Variants in GULP1 observed in about 807,000 individuals in gnomAD.
The protein encoded by GULP1 is PTB domain-containing engulfment adapter protein 1.
A neutral mutation model predicts 40.9 loss-of-function variants in GULP1; 19 were observed. The ratio of observed to expected loss-of-function variants is 0.46; its 90% CI spans 0.32 to 0.68. The LOEUF (loss-of-function observed/expected upper bound fraction) is 0.68, where lower values mean the gene tolerates loss of function less well. Among genes scored for constraint, GULP1 ranks in the 30% least tolerant of loss-of-function variants. The probability of loss-of-function intolerance (pLI) is 0.03; values close to 1 mark genes in which losing one functional copy is unlikely to be tolerated. For synonymous variants in GULP1, 119 were observed against 117.6 expected, an observed-to-expected ratio of 1.01 and a Z score of -0.08; for missense variants, 312 against 362.2, an observed-to-expected ratio of 0.86 and a Z score of 1.12.
chr2:188,593,914 A>T (rs371661283), intron 11 of GULP1, 26 bp from the exon 12 acceptor site: 4 of 1,260,356 alleles, frequency 3.2e-6, no homozygotes, highest in Non-Finnish European at 4.6e-6. Flanking sequence ...CATTTCAGAT[A>T]TTAATTATTT....
chr2:188,498,822 G>A (rs1470286332), intron 4 of GULP1, among the ~76,000 whole-genome samples: 1 of 151,606 alleles, frequency 6.6e-6, no homozygotes, highest in African/African-American at 2.4e-5. Flanking sequence ...GCATCACTAT[G>A]TACTCCATGA....
chr2:188,477,631 A>G (rs968685275), intron 2 of GULP1, 28 bp from the exon 3 acceptor site: 19 of 1,185,578 alleles, frequency 1.6e-5, no homozygotes, highest in East Asian at 2.5e-5. Flanking sequence ...TCCTTTGTTT[A>G]TGTTTTAATA....
chr2:188,574,312 A>G (rs1576221974), intron 9 of GULP1, among the ~76,000 whole-genome samples: 2 of 152,290 alleles, frequency 1.3e-5, no homozygotes, highest in African/African-American at 4.8e-5. Context: ...TGTGGCAAGC[A>G]ACAGAAACAT....
At chr2:188,521,674 GT>G (rs1169759935) in intron 4 of GULP1, among the ~76,000 whole-genome samples, 4 of 152,122 alleles carry the variant, frequency 2.6e-5, no homozygotes, top group African/African-American at 9.7e-5. Context: ...CCTCCCACCA[GT>G]TTCCTCCCAT....
At chr2:188,382,745 G>T (rs74952873) in intron 1 of GULP1, among the ~76,000 whole-genome samples, 1 of 152,094 alleles carries the variant, frequency 6.6e-6, no homozygotes, top group Non-Finnish European at 1.5e-5. Context: ...AATTAGCCGG[G>T]CATGATGCCA....
chr2:188,531,732 C>G (rs1464067399), intron 6 of GULP1, among the ~76,000 whole-genome samples: 1 of 152,118 alleles, frequency 6.6e-6, no homozygotes, highest in East Asian at 1.9e-4. Context: ...GAGATAAATT[C>G]ATTAGGCAAT....
chr2:188,398,818 TA>T (rs1013839029), intron 2 of GULP1, among the ~76,000 whole-genome samples: 50 of 152,126 alleles, frequency 3.3e-4, no homozygotes, highest in Admixed American at 3.3e-3. Context: ...TGGTGAAAAA[TA>T]AAAAATATTT....
chr2:188,446,320 C>A (rs2058379579), intron 2 of GULP1, among the ~76,000 whole-genome samples: 1 of 152,096 alleles, frequency 6.6e-6, no homozygotes, highest in Admixed American at 6.6e-5. Flanking sequence ...TAGCTATTTT[C>A]TGGGATATTT....
At chr2:188,472,720 A>C (rs1370477925) in intron 2 of GULP1, among the ~76,000 whole-genome samples, 3 of 152,136 alleles carry the variant, frequency 2.0e-5, no homozygotes, top group African/African-American at 7.2e-5. Flanking sequence ...GAGTTTCTTC[A>C]ACAAAGCTAT....
At chr2:188,547,887 A>C (rs928096289) in intron 7 of GULP1, among the ~76,000 whole-genome samples, 8 of 152,142 alleles carry the variant, frequency 5.3e-5, no homozygotes, top group Admixed American at 2.6e-4. Flanking sequence ...GAAACGTGAT[A>C]ATACCAGTCA....
At chr2:188,576,941 A>G (rs1700286458) in intron 9 of GULP1, among the ~76,000 whole-genome samples, 1 of 152,128 alleles carries the variant, frequency 6.6e-6, no homozygotes, top group African/African-American at 2.4e-5. Context: ...TTAGAAAAAG[A>G]GTTTATTCTG....
chr2:188,379,164 T>G (rs888789914), intron 1 of GULP1, among the ~76,000 whole-genome samples: 3 of 152,204 alleles, frequency 2.0e-5, no homozygotes, highest in Non-Finnish European at 4.4e-5. Flanking sequence ...TTCAAAGCAC[T>G]GCAGAAAGTT....
At chr2:188,384,764 T>C (rs2049449524) in intron 2 of GULP1, among the ~76,000 whole-genome samples, 1 of 152,154 alleles carries the variant, frequency 6.6e-6, no homozygotes, top group South Asian at 2.1e-4. Context: ...AATTGGCCAA[T>C]GCAAAGGGGC....
chr2:188,422,826 C>A (rs879608116), intron 2 of GULP1, among the ~76,000 whole-genome samples: 4 of 151,992 alleles, frequency 2.6e-5, no homozygotes, highest in Non-Finnish European at 5.9e-5. Context: ...ACTCTTTTTG[C>A]TTACTTTGTG....
chr2:188,375,951 C>A (rs1295372353), intron 1 of GULP1, among the ~76,000 whole-genome samples: 3 of 152,074 alleles, frequency 2.0e-5, no homozygotes, highest in Non-Finnish European at 4.4e-5. Flanking sequence ...AGTAAGGCTG[C>A]AGTAGCCATG....
chr2:188,534,539 G>A (rs1010035350), intron 6 of GULP1, among the ~76,000 whole-genome samples: 1 of 152,066 alleles, frequency 6.6e-6, no homozygotes, highest in East Asian at 1.9e-4. Flanking sequence ...TGCATACTAT[G>A]CTTAGTACCT....
At chr2:188,495,055 AT>A (rs545692275) in intron 4 of GULP1, among the ~76,000 whole-genome samples, 19 of 152,160 alleles carry the variant, frequency 1.2e-4, no homozygotes, top group South Asian at 2.1e-4. Context: ...TAAATTGCTT[AT>A]TTAGTTGTCA....
chr2:188,370,082 G>A (rs2047402107), intron 1 of GULP1, among the ~76,000 whole-genome samples: 1 of 152,168 alleles, frequency 6.6e-6, no homozygotes, highest in Admixed American at 6.5e-5. Context: ...CTTAGGTGGA[G>A]GTTTTGTGCC....
chr2:188,440,440 T>C (rs1371238945), intron 2 of GULP1, among the ~76,000 whole-genome samples: 2 of 152,222 alleles, frequency 1.3e-5, no homozygotes, highest in Non-Finnish European at 2.9e-5. Context: ...GTCACACTCA[T>C]GCAAAAGTTT....
Sources: allele counts gnomAD v4.1 joint callset (sites outside exome capture counted in the v4.1 genomes callset), GRCh38; gene constraint gnomAD v4.1.1; transcripts MANE v1.5; gene names NCBI Gene and HGNC (gene_info 2026-07-23, HGNC 2026-07-21).